BCL3: variants seen among roughly 807,000 people sequenced by gnomAD.
The protein encoded by BCL3 is B-cell lymphoma 3 protein.
BCL3 carries 15 observed loss-of-function variants against 35.7 expected under a neutral mutation model. The ratio of observed to expected loss-of-function variants is 0.42; its 90% CI spans 0.28 to 0.65. The LOEUF is 0.65. BCL3 is among the 30% of genes least tolerant of loss of function. The pLI is 0.22. For missense variants in BCL3, 565 were observed against 641.7 expected, an observed-to-expected ratio of 0.88 and a Z score of 1.29; for synonymous variants, 311 against 284.3, an observed-to-expected ratio of 1.09 and a Z score of -0.95.
At chr19:44,754,173 A>G (rs1015983754) in intron 2 of BCL3, among the ~76,000 whole-genome samples, 1 of 152,142 alleles carries the variant, frequency 6.6e-6, no homozygotes, top group Non-Finnish European at 1.5e-5. Context: ...GGACGGGGGA[A>G]GTCCTTATTC....
upstream of BCL3, chr19:44,748,153 C>G (rs1202414932): frequency 8.2e-7 from 1 of 1,219,860 alleles, no homozygotes; most frequent in Non-Finnish European, 1.1e-6. Context: ...AGATTCCAAA[C>G]CCCGTCCCAG....
intron 2 of BCL3, among the ~76,000 whole-genome samples, chr19:44,752,601 C>T (rs1266317895): frequency 2.6e-5 from 4 of 152,182 alleles, no homozygotes; most frequent in Admixed American, 1.3e-4. Flanking sequence ...AAATTGATTT[C>T]ACAACCCCCA....
intron 2 of BCL3, among the ~76,000 whole-genome samples, chr19:44,752,396 G>T (rs1052137640): frequency 6.6e-6 from 1 of 150,718 alleles, no homozygotes; most frequent in African/African-American, 2.4e-5. Context: ...TAGAAACACA[G>T]CAGTCTTGCT....
chr19:44,751,464 C>A, intron 2 of BCL3, 84 bp downstream of exon 2: 1 of 1,380,600 alleles, frequency 7.2e-7, no homozygotes, highest in Non-Finnish European at 9.6e-7. Flanking sequence ...TCCCAGTGGA[C>A]CTGAGTCAGA....
intron 7 of BCL3, 133 bp from the exon 8 acceptor site, chr19:44,758,590 GA>G (rs1568546893): frequency 4.0e-6 from 5 of 1,258,734 alleles, no homozygotes; most frequent in Non-Finnish European, 4.4e-6. Context: ...CTGGCACCAA[GA>G]AAAAAAGTGC....
chr19:44,757,777 G>A lies in BCL3; in HGVS notation c.891+54G>A. 1.3e-6 allele frequency: 2 copies of A among 1,559,164 alleles called. No homozygotes were observed. The highest frequency in any genetic ancestry group is 1.8e-6 in the Non-Finnish European group (2 of 1,134,288). On this transcript the variant is annotated intron_variant, in intron 6 of 8. Coordinates refer to ENST00000164227, the MANE Select transcript of BCL3 (RefSeq NM_005178.5). The surrounding 1 kb of genome is among the most constrained non-coding windows in gnomAD (Gnocchi z 8.4). ...CCACCCTATCCTCTGACCCCAACCC[G>A]GCTCTGGCCTCAGCCCCTAGCTCTG...
Position 44,748,937 on chromosome 19 carries a change from C to T in BCL3, c.147C>T (p.Gly49=), listed in dbSNP as rs2122271516. 1 of 1,216,046 alleles carries T rather than the reference C, an allele frequency of 8.2e-7. No individual in the cohort carries two copies. Among genetic ancestry groups the T allele is most frequent in the Non-Finnish European group, 1.0e-6 (1 of 975,314 alleles). 75.3% of individuals were successfully genotyped at this position (1,216,046 alleles called of 1,614,324 possible). The stretch of plus-strand genomic sequence containing the variant: ...CCCCGGAGCCCGCCGCTCCCCGCGG[C>T]GCTGCGGGCCTTGTCGTCCCCCTGG... ...APSPEPAAPR[G]AAGLVVPLDP... is the part of the protein sequence containing the mutation. The change falls in exon 1 of 9, where the codon GGC becomes GGT. Residue 49 remains glycine (G), a synonymous_variant. Transcript: ENST00000164227.
At position 44,757,869 on chromosome 19, in the gene BCL3, T is replaced by C. The variant is rs1967328953; in HGVS notation, c.891+146T>C. 7.6e-6 allele frequency: 6 copies of C among 792,912 alleles called. No homozygotes were observed. In the Admixed American group the frequency reaches 1.7e-4, roughly 22 times the overall value. 49.1% of individuals were successfully genotyped at this position (792,912 alleles called of 1,614,324 possible). ...CAGCTCTGATCCTTTAAGGCCTAGT[T>C]TTCTCGACCCTCGGGCTCCACGCCC... On this transcript the variant is annotated intron_variant, in intron 6 of 8. Coordinates refer to ENST00000164227, the MANE Select transcript of BCL3 (RefSeq NM_005178.5). The surrounding 1 kb of genome is among the most constrained non-coding windows in gnomAD (Gnocchi z 8.4).
chr19:44,751,459 G>A, intron 2 of BCL3, 79 bp downstream of exon 2: 1 of 1,399,558 alleles, frequency 7.1e-7, no homozygotes, highest in Non-Finnish European at 9.5e-7. Flanking sequence ...TCAGCTCCCA[G>A]TGGACCTGAG....
At chr19:44,756,963 G>T in intron 3 of BCL3, 54 bp from the exon 4 acceptor site, 1 of 1,493,982 alleles carries the variant, frequency 6.7e-7, no homozygotes, top group Non-Finnish European at 9.1e-7. Context: ...CCTGGGGGAG[G>T]CAGGACTAGA....
intron 2 of BCL3, among the ~76,000 whole-genome samples, chr19:44,754,446 C>T (rs528090958): frequency 4.6e-5 from 7 of 152,242 alleles, no homozygotes; most frequent in African/African-American, 1.4e-4. Context: ...GGGTAGATCC[C>T]CGGCGGGACA....
chr19:44,758,134 A>C, intron 6 of BCL3, 112 bp from the exon 7 acceptor site: 1 of 1,147,150 alleles, frequency 8.7e-7, no homozygotes, highest in Non-Finnish European at 1.2e-6. Flanking sequence ...CTGTGACCCC[A>C]CCCCGATCCG....
In BCL3 at chr19:44,749,065, T is replaced by C; in HGVS notation, c.256+19T>C. On this transcript the variant is annotated intron_variant, in intron 1 of 8. Transcript: ENST00000164227. ...TACCCCGGTGAGTGGCCCCCGAGGG[T>C]CCGGGCCGGGTGGGATCCACACAGA... The C allele has an allele frequency of 7.8e-7, 1 of 1,277,138 alleles. No homozygotes were observed. Among genetic ancestry groups the C allele is most frequent in the Non-Finnish European group, 1.0e-6 (1 of 998,778 alleles). The allele number at this position is 1,277,138 out of a possible 1,614,324, so 79.1% of individuals were successfully genotyped here.
chr19:44,756,888 C>T (rs1362750761), intron 3 of BCL3, 129 bp from the exon 4 acceptor site: 9 of 878,156 alleles, frequency 1.0e-5, no homozygotes, highest in Non-Finnish European at 1.7e-6. Context: ...GAATCTGAGA[C>T]AGGAGGTGTC....
At chr19:44,755,472 A>C (rs954337559) in intron 2 of BCL3, 2 of 152,276 alleles carry the variant, frequency 1.3e-5, no homozygotes, top group African/African-American at 4.8e-5. Context: ...TCTTGAGTTG[A>C]GGGTAATTCC....
chr19:44,752,525 T>A (rs948633492), intron 2 of BCL3, among the ~76,000 whole-genome samples: 1 of 152,128 alleles, frequency 6.6e-6, no homozygotes, highest in Non-Finnish European at 1.5e-5. Flanking sequence ...TACTTTGCCA[T>A]TTTCTATTCT....
chr19:44,758,106 G>A, intron 6 of BCL3, 140 bp from the exon 7 acceptor site: 2 of 902,574 alleles, frequency 2.2e-6, no homozygotes, highest in Non-Finnish European at 1.6e-6. Flanking sequence ...CCTGCCCTTG[G>A]CTCTCGCTCC....
intron 2 of BCL3, chr19:44,755,427 G>A (rs1341777015): frequency 6.6e-6 from 1 of 152,244 alleles, no homozygotes; most frequent in African/African-American, 2.4e-5. Flanking sequence ...AGCTGCCCTT[G>A]ATTCACATGG....
chr19:44,749,011 A>C lies in BCL3; in HGVS notation c.221A>C (p.His74Pro). The change falls in exon 1 of 9, where the codon CAC becomes CCC. Residue 74 changes from histidine (H) to proline (P), a missense_variant. This residue lies in a region of BCL3 where 267 missense variants were observed against 281.5 expected (regional missense o/e 0.95). Transcript: ENST00000164227. ...CDLPAVPGPP[H>P]GLARPEALYY... is the part of the protein sequence containing the mutation. ...CTGCCGGCGGTCCCCGGGCCCCCCC[A>C]CGGCCTGGCCCGGCCGGAGGCGCTT... 7.2e-7 allele frequency: 1 copy of C among 1,381,834 alleles called. No homozygotes were observed. The highest frequency in any genetic ancestry group is 9.4e-7 in the Non-Finnish European group (1 of 1,066,578). 85.6% of individuals were successfully genotyped at this position (1,381,834 alleles called of 1,614,324 possible). A position where few individuals can be genotyped will look rare whatever the true frequency, so the allele number is the denominator to read the frequency against.
Sources: gnomAD v4.1 joint callset for allele counts (sites outside exome capture counted in the v4.1 genomes callset) on GRCh38, gnomAD v4.1.1 for gene constraint, gnomAD v4.1.1 regional missense constraint, Gnocchi (gnomAD v3.1) non-coding constraint, MANE v1.5 for transcripts, NCBI Gene and HGNC (gene_info 2026-07-23, HGNC 2026-07-21) for gene names.